The following HTR4 variants were observed in gnomAD, a reference collection of about 807,000 sequenced individuals.
HTR4 encodes the protein 5-hydroxytryptamine (serotonin) receptor 4, G protein-coupled.
A neutral mutation model predicts 36.8 loss-of-function variants in HTR4; 16 were observed. That is an observed-to-expected ratio of 0.43 (90% confidence interval 0.29 to 0.66). HTR4 has a LOEUF of 0.66. HTR4 is among the 30% of genes least tolerant of loss of function. The probability of loss-of-function intolerance (pLI) is 0.13; values close to 1 mark genes in which losing one functional copy is unlikely to be tolerated. For synonymous variants in HTR4, 189 were observed against 185.1 expected, an observed-to-expected ratio of 1.02 and a Z score of -0.17; for missense variants, 438 against 490.9, an observed-to-expected ratio of 0.89 and a Z score of 1.02.
chr5:148,604,343 A>T (rs1259800035), intron 2 of HTR4, among the ~76,000 whole-genome samples: 1 of 152,176 alleles, frequency 6.6e-6, no homozygotes, highest in African/African-American at 2.4e-5. Context: ...TAAAATGAAC[A>T]AAAGACTTGA....
intron 2 of HTR4, among the ~76,000 whole-genome samples, chr5:148,584,343 G>C (rs948296031): frequency 1.3e-5 from 2 of 152,086 alleles, no homozygotes; most frequent in African/African-American, 2.4e-5. Context: ...TGGACATCAG[G>C]AGTCCAGTCA....
intron 1 of HTR4, 84 bp from the exon 2 acceptor site, chr5:148,637,145 T>G (rs1028867805): frequency 2.5e-6 from 2 of 811,724 alleles, no homozygotes; most frequent in East Asian, 5.3e-5. Context: ...CTCAAATAAC[T>G]ATTGCTTCCT....
intron 4 of HTR4, among the ~76,000 whole-genome samples, chr5:148,525,254 T>C (rs1156410166): frequency 6.6e-6 from 1 of 152,238 alleles, no homozygotes; most frequent in Non-Finnish European, 1.5e-5. Context: ...TTCTGAATGG[T>C]GATATTCATA....
chr5:148,630,743 C>T (rs948126160), intron 2 of HTR4, among the ~76,000 whole-genome samples: 5 of 152,050 alleles, frequency 3.3e-5, no homozygotes, highest in African/African-American at 1.2e-4. Flanking sequence ...TCTATGCATA[C>T]TATGTGCAAA....
intron 4 of HTR4, among the ~76,000 whole-genome samples, chr5:148,540,400 G>GTATATATATATA (rs56021250): frequency 2.7e-4 from 20 of 74,284 alleles, no homozygotes; most frequent in Middle Eastern, 8.5e-3. Context: ...TTATGTGTGT[G>GTATATATATATA]TATATATATA....
chr5:148,466,242 T>G (rs1319405204), intron 5 of HTR4, among the ~76,000 whole-genome samples: 1 of 152,190 alleles, frequency 6.6e-6, no homozygotes, highest in Non-Finnish European at 1.5e-5. Flanking sequence ...TCTTCTTCCC[T>G]CCTGTAGCTA....
At chr5:148,643,444 AT>A (rs905472332) in intron 1 of HTR4, among the ~76,000 whole-genome samples, 2 of 152,060 alleles carry the variant, frequency 1.3e-5, no homozygotes, top group South Asian at 2.1e-4. Flanking sequence ...AAAGGCAGAG[AT>A]TTTTTTCCCC....
chr5:148,637,421 TTGCCCAAAA>T (rs34016265), intron 1 of HTR4, among the ~76,000 whole-genome samples: 4,040 of 152,254 alleles, frequency 0.027, 84 homozygotes, highest in South Asian at 0.098. Flanking sequence ...AAATAGTATA[TTGCCCAAAA>T]TGGCCATTTT....
intron 1 of HTR4, among the ~76,000 whole-genome samples, chr5:148,638,977 G>T (rs905541729): frequency 6.6e-6 from 1 of 152,048 alleles, no homozygotes. Context: ...AGCCCAGGAG[G>T]TTGAGGCTGC....
At chr5:148,586,908 GATGC>G (rs1247356731) in intron 2 of HTR4, among the ~76,000 whole-genome samples, 2 of 152,102 alleles carry the variant, frequency 1.3e-5, no homozygotes, top group Admixed American at 1.3e-4. Flanking sequence ...AACCTCATAG[GATGC>G]ATGCCTGAAA....
rs536850414 is a variant in HTR4, at chr5:148,583,302, G to A, written c.27-33040C>T. 5.7e-5 allele frequency among the ~76,000 whole-genome samples: 8 copies of A among 140,260 alleles called. 1 individual carries two copies. Among genetic ancestry groups the A allele is most frequent in the African/African-American group, 1.8e-4 (7 of 39,100 alleles). 92.0% of individuals were successfully genotyped at this position (140,260 alleles called of 152,430 possible). ...GATGAAGCCCACTTGGGGGAGGGGG[G>A]AGGGATAGCATTGGGAGATATACCT... is the stretch of plus-strand genomic sequence containing the variant. On this transcript the variant is annotated intron_variant, in intron 2 of 6. Transcript: ENST00000377888.
intron 5 of HTR4, among the ~76,000 whole-genome samples, chr5:148,515,437 C>A (rs1757694675): frequency 6.6e-6 from 1 of 152,172 alleles, no homozygotes; most frequent in South Asian, 2.1e-4. Flanking sequence ...TGCACTCTGT[C>A]CTGCATTATG....
At chr5:148,600,478 G>A (rs1023849031) in intron 2 of HTR4, among the ~76,000 whole-genome samples, 23 of 149,614 alleles carry the variant, frequency 1.5e-4, no homozygotes, top group Admixed American at 7.3e-4. Context: ...AAATACTCCA[G>A]AAAAAAAATG....
Position 148,550,297 on chromosome 5 carries a change from A to C in HTR4, c.27-35T>G, listed in dbSNP as rs574964174. On this transcript the variant is annotated intron_variant, in intron 2 of 6. Transcript: ENST00000377888. The stretch of plus-strand genomic sequence containing the variant: ...ACACACAAGCACAAAGAATTGAATG[A>C]AACTCTGGGACACAAGAAGGAAAAT... 2.0e-5 allele frequency: 33 copies of C among 1,610,234 alleles called. 1 individual carries two copies. In the South Asian group the frequency reaches 3.6e-4, roughly 18 times the overall value.
intron 2 of HTR4, among the ~76,000 whole-genome samples, chr5:148,566,993 T>C (rs917415238): frequency 1.3e-5 from 2 of 152,096 alleles, no homozygotes; most frequent in African/African-American, 4.8e-5. Flanking sequence ...TGCCTATGTC[T>C]GGTTTTGCTC....
chr5:148,490,115 T>A (rs1270802543), intron 6 of HTR4, among the ~76,000 whole-genome samples: 4 of 149,856 alleles, frequency 2.7e-5, no homozygotes, highest in African/African-American at 9.8e-5. Flanking sequence ...TTTTGGAAAG[T>A]CATGCAAATG....
At chr5:148,535,349 C>T (rs1758763476) in intron 4 of HTR4, among the ~76,000 whole-genome samples, 1 of 152,120 alleles carries the variant, frequency 6.6e-6, no homozygotes, top group Non-Finnish European at 1.5e-5. Flanking sequence ...CAAATGACTG[C>T]ACCAGTTCTC....
At chr5:148,454,965 C>T (rs533491160) in intron 5 of HTR4, among the ~76,000 whole-genome samples, 35 of 152,234 alleles carry the variant, frequency 2.3e-4, no homozygotes, top group Admixed American at 1.2e-3. Flanking sequence ...GCTTTAGTAT[C>T]TGAGGTGCAG....
intron 2 of HTR4, among the ~76,000 whole-genome samples, chr5:148,571,731 A>C (rs898275945): frequency 3.9e-5 from 6 of 151,978 alleles, no homozygotes; most frequent in African/African-American, 1.4e-4. Context: ...TCAGTACTGG[A>C]TGCATGCAGT....
Sources: allele counts gnomAD v4.1 joint callset (sites outside exome capture counted in the v4.1 genomes callset), GRCh38; gene constraint gnomAD v4.1.1; transcripts MANE v1.5; gene names NCBI Gene and HGNC (gene_info 2026-07-23, HGNC 2026-07-21).